Variants in DIAPH3 observed in about 807,000 individuals in gnomAD.
DIAPH3 encodes the protein protein diaphanous homolog 3.
In DIAPH3, 117 loss-of-function variants were observed where a neutral mutation model predicts 144.3. That is an observed-to-expected ratio of 0.81 (90% CI 0.70 to 0.95). The LOEUF (loss-of-function observed/expected upper bound fraction) is 0.95. Ranked by LOEUF, DIAPH3 falls within the 40% of genes least tolerant of loss-of-function variation. The pLI, the probability that DIAPH3 is intolerant of heterozygous loss-of-function variation, is 0.00. For missense variants in DIAPH3, 1,421 were observed against 1,412.7 expected, an observed-to-expected ratio of 1.01 and a Z score of -0.09; for synonymous variants, 519 against 488.9, an observed-to-expected ratio of 1.06 and a Z score of -0.81.
At chr13:59,938,684 C>T (rs550098333) in intron 17 of DIAPH3, among the ~76,000 whole-genome samples, 1 of 152,030 alleles carries the variant, frequency 6.6e-6, no homozygotes, top group African/African-American at 2.4e-5. Context: ...AACTGCAACC[C>T]AAATGTTCCA....
At chr13:59,811,451 T>G (rs1566346504) in intron 24 of DIAPH3, among the ~76,000 whole-genome samples, 3 of 152,016 alleles carry the variant, frequency 2.0e-5, no homozygotes, top group Admixed American at 1.3e-4. Flanking sequence ...TAAAGAAATA[T>G]TTCTTGGCCG....
At chr13:60,089,917 G>T (rs569291573) in intron 4 of DIAPH3, among the ~76,000 whole-genome samples, 1 of 152,266 alleles carries the variant, frequency 6.6e-6, no homozygotes, top group South Asian at 2.1e-4. Context: ...CATGTGGATG[G>T]TATATCAGGA....
At chr13:59,894,043 GGTATTT>G in intron 20 of DIAPH3, among the ~76,000 whole-genome samples, 3 of 152,104 alleles carry the variant, frequency 2.0e-5, no homozygotes, top group East Asian at 3.9e-4. Flanking sequence ...TAATTCATCT[GGTATTT>G]GGGTTATGCT....
chr13:59,929,888 A>G (rs2047940875), intron 17 of DIAPH3, among the ~76,000 whole-genome samples: 1 of 151,960 alleles, frequency 6.6e-6, no homozygotes, highest in Non-Finnish European at 1.5e-5. Flanking sequence ...ATTTCTCCAC[A>G]TGAACTTTAG....
chr13:59,815,126 A>C (rs1199932549), intron 24 of DIAPH3, among the ~76,000 whole-genome samples: 4 of 152,210 alleles, frequency 2.6e-5, no homozygotes. Flanking sequence ...TATGAGTTGG[A>C]GATCCAATTC....
intron 5 of DIAPH3, among the ~76,000 whole-genome samples, chr13:60,022,614 A>C (rs1296301405): frequency 6.6e-6 from 1 of 152,122 alleles, no homozygotes; most frequent in Admixed American, 6.6e-5. Context: ...CAGTCATCAG[A>C]TGGGACTCTT....
At chr13:59,696,867 A>G (rs1392724940) in intron 27 of DIAPH3, among the ~76,000 whole-genome samples, 2 of 152,098 alleles carry the variant, frequency 1.3e-5, no homozygotes, top group Non-Finnish European at 2.9e-5. Context: ...GCTTGCAGAA[A>G]GAAAGTAAAA....
At chr13:59,729,322 T>A (rs1361559130) in intron 27 of DIAPH3, among the ~76,000 whole-genome samples, 3 of 152,094 alleles carry the variant, frequency 2.0e-5, no homozygotes, top group African/African-American at 7.2e-5. Context: ...TCTAGTAAGA[T>A]TACAGTAGCT....
chr13:59,981,054 C>A (rs2050974912), intron 13 of DIAPH3, among the ~76,000 whole-genome samples, 195 bp from the exon 14 acceptor site: 1 of 151,222 alleles, frequency 6.6e-6, no homozygotes, highest in East Asian at 2.0e-4. Context: ...ACAGAAAACA[C>A]AGGAAAAGCC....
chr13:59,930,634 T>A (rs2047977711), intron 17 of DIAPH3, among the ~76,000 whole-genome samples: 1 of 152,014 alleles, frequency 6.6e-6, no homozygotes. Flanking sequence ...AGGTACCAGA[T>A]CACATAAGAT....
chr13:60,118,607 G>A (rs566664915), intron 2 of DIAPH3, among the ~76,000 whole-genome samples: 1 of 152,160 alleles, frequency 6.6e-6, no homozygotes, highest in Non-Finnish European at 1.5e-5. Context: ...TTAAGAGGGG[G>A]TAAAAACCTA....
chr13:59,894,311 T>C (rs1384422713), intron 20 of DIAPH3, among the ~76,000 whole-genome samples: 2 of 151,926 alleles, frequency 1.3e-5, no homozygotes, highest in African/African-American at 4.8e-5. Flanking sequence ...ACGGACATAA[T>C]AAAGGATGAG....
At position 59,988,619 on chromosome 13, in the gene DIAPH3, A is replaced by G. The variant is rs972476084; in HGVS notation, c.1361+2539T>C. ...CTAGAAAATAATCTCCATGAGCAAT[A>G]TTGGTGAGGTAGTAAATGTGTCTGA... On this transcript the variant is annotated intron_variant, in intron 12 of 27. Coordinates refer to ENST00000400324, the MANE Select transcript of DIAPH3 (RefSeq NM_001042517.2). Among the ~76,000 whole-genome samples, 4 of 151,842 alleles carry G rather than the reference A, an allele frequency of 2.6e-5. No individual in the cohort carries two copies. The East Asian group carries it at 7.8e-4, about 30-fold the overall frequency.
intron 16 of DIAPH3, among the ~76,000 whole-genome samples, chr13:59,970,269 T>C (rs192436557): frequency 3.7e-4 from 56 of 152,330 alleles, no homozygotes; most frequent in Non-Finnish European, 6.6e-4. Flanking sequence ...GATCCAATAG[T>C]TGAGGATTTG....
Position 60,079,796 on chromosome 13 carries a change from A to T in DIAPH3, c.495+13832T>A, listed in dbSNP as rs1283608458. On this transcript the variant is annotated intron_variant, in intron 4 of 27. Transcript: ENST00000400324. ...ATATGTGTTATTTTTTCTTATACCCAGTTTTATTAACTTTTTATTCAACTT... is the reference window on the plus strand; with the variant it reads ...ATATGTGTTATTTTTTCTTATACCCTGTTTTATTAACTTTTTATTCAACTT... Among the ~76,000 whole-genome samples, 10 of 151,958 alleles carry T rather than the reference A, an allele frequency of 6.6e-5. No individual in the cohort carries two copies. The East Asian group carries it at 1.7e-3, about 26-fold the overall frequency.
intron 25 of DIAPH3, among the ~76,000 whole-genome samples, chr13:59,802,655 A>ATTT (rs1566331521): frequency 1.3e-4 from 3 of 23,346 alleles, no homozygotes; most frequent in Admixed American, 8.5e-4. Flanking sequence ...TATTATTATT[A>ATTT]TTATTATTAT....
intron 27 of DIAPH3, among the ~76,000 whole-genome samples, chr13:59,669,835 C>T (rs1375886928): frequency 1.3e-5 from 2 of 152,120 alleles, no homozygotes; most frequent in African/African-American, 2.4e-5. Context: ...CTTAATTCCT[C>T]GCTCCCTATT....
chr13:60,061,940 C>T (rs776962655), intron 4 of DIAPH3, among the ~76,000 whole-genome samples: 1 of 152,084 alleles, frequency 6.6e-6, no homozygotes, highest in African/African-American at 2.4e-5. Context: ...TTACTGCCTA[C>T]AGCCTCCTAC....
intron 18 of DIAPH3, among the ~76,000 whole-genome samples, chr13:59,919,778 T>A (rs1476212390): frequency 6.6e-6 from 1 of 152,010 alleles, no homozygotes; most frequent in Non-Finnish European, 1.5e-5. Context: ...AATGTAATAG[T>A]GGTATGTAAA....
Sources: gnomAD v4.1 joint callset for allele counts (sites outside exome capture counted in the v4.1 genomes callset) on GRCh38, gnomAD v4.1.1 for gene constraint, MANE v1.5 for transcripts, NCBI Gene and HGNC (gene_info 2026-07-23, HGNC 2026-07-21) for gene names.